CTNND2: variants seen among roughly 807,000 people sequenced by gnomAD.
CTNND2 encodes the protein catenin delta 2.
In CTNND2, 22 loss-of-function variants were observed where a neutral mutation model predicts 144.4. The observed-to-expected ratio is 0.15, with a 90% CI of 0.11 to 0.22. CTNND2 has a LOEUF of 0.22. Ranked by LOEUF, CTNND2 falls within the 10% of genes least tolerant of loss-of-function variation. CTNND2 has a pLI of 1.00. For synonymous variants in CTNND2, 751 were observed against 695.6 expected (o/e 1.08, Z -1.25); for missense variants, 1,353 against 1,618.8 (o/e 0.84, Z 2.82).
chr5:11,126,556 G>C (rs1473381307), intron 12 of CTNND2, among the ~76,000 whole-genome samples: 1 of 152,186 alleles, frequency 6.6e-6, no homozygotes, highest in Non-Finnish European at 1.5e-5. Context: ...ATAAACTGAT[G>C]AGAGTACCTG....
intron 2 of CTNND2, among the ~76,000 whole-genome samples, chr5:11,709,188 G>A (rs1046598418): frequency 2.5e-4 from 38 of 152,140 alleles, no homozygotes; most frequent in Admixed American, 6.5e-5. Context: ...GAAGAGGCTG[G>A]GAAGATAAAA....
intron 1 of CTNND2, among the ~76,000 whole-genome samples, chr5:11,771,419 TA>T (rs1329505560): frequency 1.4e-5 from 2 of 146,188 alleles, no homozygotes; most frequent in Admixed American, 7.0e-5. Flanking sequence ...TTAAATTATC[TA>T]ATTAGTGCAG....
intron 2 of CTNND2, among the ~76,000 whole-genome samples, chr5:11,623,796 ATATGTGTG>A (rs376170816): frequency 0.077 from 4,346 of 56,588 alleles, 403 homozygotes; most frequent in Middle Eastern, 0.17. Flanking sequence ...GTAAATATAT[ATATGTGTG>A]TATGTATATA....
chr5:11,172,044 T>C (rs962107372), intron 11 of CTNND2, among the ~76,000 whole-genome samples: 7 of 152,192 alleles, frequency 4.6e-5, no homozygotes, highest in Non-Finnish European at 8.8e-5. Flanking sequence ...GCAAAAGTAA[T>C]TAAAAACAAT....
chr5:11,806,842 A>C (rs1303053888), intron 1 of CTNND2, among the ~76,000 whole-genome samples: 2 of 152,148 alleles, frequency 1.3e-5, no homozygotes, highest in East Asian at 3.8e-4. Flanking sequence ...AAAGATGAGC[A>C]GTACTTGCTC....
chr5:11,272,089 G>A (rs997350911), intron 9 of CTNND2, among the ~76,000 whole-genome samples: 5 of 151,926 alleles, frequency 3.3e-5, no homozygotes, highest in Non-Finnish European at 5.9e-5. Context: ...AAAAAATACA[G>A]TCCATTATTT....
intron 16 of CTNND2, among the ~76,000 whole-genome samples, chr5:11,066,784 A>G (rs1747666680): frequency 1.3e-5 from 2 of 152,208 alleles, no homozygotes. Context: ...GGGCTAAGCA[A>G]GCTGTCACAG....
intron 16 of CTNND2, among the ~76,000 whole-genome samples, chr5:11,064,387 C>T (rs1193770134): frequency 6.6e-6 from 1 of 152,150 alleles, no homozygotes; most frequent in Admixed American, 6.5e-5. Context: ...ATCATATAGA[C>T]TGTGAAAAGT....
chr5:11,139,487 C>T (rs1394868270), intron 12 of CTNND2, among the ~76,000 whole-genome samples: 1 of 152,228 alleles, frequency 6.6e-6, no homozygotes, highest in African/African-American at 2.4e-5. Context: ...GTAACCACTG[C>T]ATCATCATGG....
chr5:11,513,964 A>G (rs1771895146), intron 3 of CTNND2, among the ~76,000 whole-genome samples: 2 of 152,212 alleles, frequency 1.3e-5, no homozygotes, highest in South Asian at 4.1e-4. Flanking sequence ...ATTTTAAAAA[A>G]TCTAACAAGA....
intron 9 of CTNND2, among the ~76,000 whole-genome samples, chr5:11,299,880 A>C (rs573623392): frequency 1.3e-5 from 2 of 152,290 alleles, no homozygotes; most frequent in East Asian, 3.9e-4. Context: ...AGATCTGGCA[A>C]AGGCAGGTAG....
intron 3 of CTNND2, among the ~76,000 whole-genome samples, chr5:11,530,992 C>T (rs1038512444): frequency 1.3e-5 from 2 of 152,172 alleles, no homozygotes; most frequent in Non-Finnish European, 2.9e-5. Flanking sequence ...ATACAACACA[C>T]GGCTTTGTCT....
At chr5:11,494,897 G>A (rs924143764) in intron 3 of CTNND2, among the ~76,000 whole-genome samples, 4 of 152,118 alleles carry the variant, frequency 2.6e-5, no homozygotes, top group Admixed American at 6.5e-5. Flanking sequence ...TCTGTTCTCA[G>A]TATTCCATTC....
intron 3 of CTNND2, among the ~76,000 whole-genome samples, chr5:11,558,975 G>T (rs1301849183): frequency 1.3e-5 from 2 of 152,114 alleles, no homozygotes; most frequent in African/African-American, 2.4e-5. Flanking sequence ...GCTACCAAAT[G>T]TATATTTGGT....
intron 1 of CTNND2, among the ~76,000 whole-genome samples, chr5:11,748,139 G>T (rs1220087946): frequency 6.6e-6 from 1 of 151,950 alleles, no homozygotes; most frequent in Non-Finnish European, 1.5e-5. Context: ...TACAACTTTA[G>T]TCACTACCAT....
chr5:11,078,261 C>A (rs1332197006), intron 16 of CTNND2, among the ~76,000 whole-genome samples: 1 of 152,206 alleles, frequency 6.6e-6, no homozygotes, highest in Non-Finnish European at 1.5e-5. Context: ...CATTTTCCTA[C>A]AAAAACCACT....
At chr5:11,442,841 TATATA>T (rs201615796) in intron 3 of CTNND2, among the ~76,000 whole-genome samples, 11,742 of 146,034 alleles carry the variant, frequency 0.08, 516 homozygotes, top group South Asian at 0.12. Flanking sequence ...ATTATAATTT[TATATA>T]ATATAATGAT....
chr5:11,828,196 G>GAC (rs1241667372), intron 1 of CTNND2, among the ~76,000 whole-genome samples: 8 of 152,166 alleles, frequency 5.3e-5, no homozygotes, highest in Non-Finnish European at 1.0e-4. Context: ...CTGTTCCCGT[G>GAC]ATAGTGAATA....
chr5:11,010,729 T>C (rs74375678), intron 18 of CTNND2, among the ~76,000 whole-genome samples: 5 of 152,322 alleles, frequency 3.3e-5, no homozygotes, highest in African/African-American at 1.2e-4. Flanking sequence ...GTGAGTGCAA[T>C]GGCCGCAAGA....
Sources: gnomAD v4.1 joint callset for allele counts (sites outside exome capture counted in the v4.1 genomes callset) on GRCh38, gnomAD v4.1.1 for gene constraint, MANE v1.5 for transcripts, NCBI Gene and HGNC (gene_info 2026-07-23, HGNC 2026-07-21) for gene names.